SLC4A10: variants seen among roughly 807,000 people sequenced by gnomAD.
SLC4A10 encodes the protein solute carrier family 4 member 10, also known as sodium-driven chloride bicarbonate exchanger.
A neutral mutation model predicts 137.7 loss-of-function variants in SLC4A10; 42 were observed. That is an observed-to-expected ratio of 0.30 (90% CI 0.24 to 0.39). SLC4A10 has a LOEUF of 0.39. SLC4A10 is among the 10% of genes least tolerant of loss of function. The pLI is 1.00. For synonymous variants in SLC4A10, 474 were observed against 464.1 expected (o/e 1.02, Z -0.27); for missense variants, 925 against 1,355.0 (o/e 0.68, Z 4.98).
intron 1 of SLC4A10, among the ~76,000 whole-genome samples, chr2:161,742,824 A>C (rs1395740399): frequency 6.6e-6 from 1 of 152,116 alleles, no homozygotes; most frequent in African/African-American, 2.4e-5. Context: ...ATGACATGAT[A>C]TCTCATCATA....
chr2:161,711,840 GA>G (rs2044323098), intron 1 of SLC4A10, among the ~76,000 whole-genome samples: 1 of 151,764 alleles, frequency 6.6e-6, no homozygotes, highest in South Asian at 2.1e-4. Flanking sequence ...GTAATATAGG[GA>G]TAATAATGGC....
At chr2:161,724,088 A>ATTCTTTCT (rs2045970589) in intron 1 of SLC4A10, among the ~76,000 whole-genome samples, 1 of 152,184 alleles carries the variant, frequency 6.6e-6, no homozygotes, top group African/African-American at 2.4e-5. Flanking sequence ...AGTTAGGTAG[A>ATTCTTTCT]TTCTTTCTCT....
At chr2:161,955,225 T>C (rs1297728352) in intron 19 of SLC4A10, among the ~76,000 whole-genome samples, 1 of 152,218 alleles carries the variant, frequency 6.6e-6, no homozygotes, top group African/African-American at 2.4e-5. Flanking sequence ...TAAGACATTG[T>C]CCTTTAAAGG....
intron 3 of SLC4A10, among the ~76,000 whole-genome samples, chr2:161,828,157 A>G (rs997295141): frequency 2.6e-5 from 4 of 152,160 alleles, no homozygotes; most frequent in African/African-American, 4.8e-5. Context: ...CAGTTTTCCT[A>G]TGATGGAACC....
At chr2:161,646,416 A>T (rs796309038) in intron 1 of SLC4A10, among the ~76,000 whole-genome samples, 29 of 152,150 alleles carry the variant, frequency 1.9e-4, no homozygotes, top group African/African-American at 6.7e-4. Flanking sequence ...ATATGCTAAA[A>T]ATAAAGCAAT....
intron 1 of SLC4A10, among the ~76,000 whole-genome samples, chr2:161,682,889 A>G (rs918655634): frequency 6.6e-6 from 1 of 152,188 alleles, no homozygotes; most frequent in Non-Finnish European, 1.5e-5. Context: ...TCCTAAAGGC[A>G]TAGGCTCAGA....
At chr2:161,637,101 ACGTAT>A (rs2034548570) in intron 1 of SLC4A10, among the ~76,000 whole-genome samples, 1 of 125,412 alleles carries the variant, frequency 8.0e-6, no homozygotes, top group East Asian at 2.6e-4. Context: ...ATACGTATAT[ACGTAT>A]TTATGTATAT....
chr2:161,756,044 C>T (rs1260087859), intron 1 of SLC4A10, among the ~76,000 whole-genome samples: 6 of 152,102 alleles, frequency 3.9e-5, no homozygotes, highest in East Asian at 1.9e-4. Context: ...GCTGGGATTA[C>T]GGGCTTGAGC....
At chr2:161,679,884 T>C (rs2040661008) in intron 1 of SLC4A10, among the ~76,000 whole-genome samples, 1 of 152,018 alleles carries the variant, frequency 6.6e-6, no homozygotes. Context: ...GGGGGCAAAA[T>C]CAAACTCTTC....
chr2:161,635,665 T>C (rs1452809039), intron 1 of SLC4A10, among the ~76,000 whole-genome samples: 1 of 152,168 alleles, frequency 6.6e-6, no homozygotes, highest in Non-Finnish European at 1.5e-5. Context: ...TCTGCACTTG[T>C]CTGCAGGTAA....
At chr2:161,826,981 A>G (rs1022502283) in intron 3 of SLC4A10, among the ~76,000 whole-genome samples, 1 of 152,120 alleles carries the variant, frequency 6.6e-6, no homozygotes, top group Non-Finnish European at 1.5e-5. Flanking sequence ...TCTCCGTGAG[A>G]TGTATGTTCC....
chr2:161,833,666 C>A (rs372141708), intron 3 of SLC4A10, among the ~76,000 whole-genome samples: 1 of 152,140 alleles, frequency 6.6e-6, no homozygotes, highest in Non-Finnish European at 1.5e-5. Flanking sequence ...CACCATGTGA[C>A]CCTTGAAACT....
At chr2:161,643,725 T>C (rs1427925182) in intron 1 of SLC4A10, among the ~76,000 whole-genome samples, 1 of 152,218 alleles carries the variant, frequency 6.6e-6, no homozygotes, top group Non-Finnish European at 1.5e-5. Flanking sequence ...CCATTATTTG[T>C]CCATTTTAAA....
At chr2:161,627,349 GAA>G (rs2032604770) in intron 1 of SLC4A10, among the ~76,000 whole-genome samples, 1 of 152,018 alleles carries the variant, frequency 6.6e-6, no homozygotes, top group African/African-American at 2.4e-5. Flanking sequence ...TTATAATTAT[GAA>G]AACTTTGCAG....
chr2:161,787,403 T>C (rs1032642784), intron 2 of SLC4A10, among the ~76,000 whole-genome samples: 3 of 152,126 alleles, frequency 2.0e-5, no homozygotes, highest in Non-Finnish European at 4.4e-5. Context: ...GCCTTGATGA[T>C]GTTCATCTTA....
intron 12 of SLC4A10, chr2:161,902,163 C>T (rs1559497077): frequency 2.3e-6 from 1 of 440,240 alleles, no homozygotes; most frequent in East Asian, 7.1e-5. Flanking sequence ...GCACTGTTCT[C>T]TGTAATGAAC....
intron 1 of SLC4A10, among the ~76,000 whole-genome samples, chr2:161,723,825 G>C (rs561163108): frequency 5.3e-5 from 8 of 152,256 alleles, no homozygotes; most frequent in Non-Finnish European, 1.2e-4. Context: ...AGACAATGTT[G>C]AGAATTGCTG....
At chr2:161,630,513 G>A (rs137964172) in intron 1 of SLC4A10, among the ~76,000 whole-genome samples, 23 of 151,666 alleles carry the variant, frequency 1.5e-4, no homozygotes, top group East Asian at 1.4e-3. Flanking sequence ...CTTAATTTAC[G>A]GATGATGGAA....
At chr2:161,885,214 A>G (rs1178640317) in intron 10 of SLC4A10, among the ~76,000 whole-genome samples, 1 of 152,102 alleles carries the variant, frequency 6.6e-6, no homozygotes, top group Non-Finnish European at 1.5e-5. Context: ...AAGAAAGAAA[A>G]AGAAAAAAGA....
Sources: gnomAD v4.1 joint callset for allele counts (sites outside exome capture counted in the v4.1 genomes callset) on GRCh38, gnomAD v4.1.1 for gene constraint, MANE v1.5 for transcripts, NCBI Gene and HGNC (gene_info 2026-07-23, HGNC 2026-07-21) for gene names.